The following BAHCC1 variants were observed in gnomAD, a reference collection of about 807,000 sequenced individuals.
The protein encoded by BAHCC1 is BAH and coiled-coil domain-containing protein 1.
In BAHCC1, 43 loss-of-function variants were observed where a neutral mutation model predicts 88.2. The ratio of observed to expected loss-of-function variants is 0.49; its 90% CI spans 0.38 to 0.63. The LOEUF is 0.63. Ranked by LOEUF, BAHCC1 falls within the 20% of genes least tolerant of loss-of-function variation. The pLI is 0.00. For synonymous variants in BAHCC1, 1,510 were observed against 745.5 expected, an observed-to-expected ratio of 2.03 and a Z score of -16.71; for missense variants, 3,023 against 1,654.8, an observed-to-expected ratio of 1.83 and a Z score of -14.34.
chr17:81,428,051 G>A (rs1431835486), intron 3 of BAHCC1, among the ~76,000 whole-genome samples: 3 of 152,348 alleles, frequency 2.0e-5, no homozygotes, highest in Non-Finnish European at 2.9e-5. Flanking sequence ...TTGGGCAGGC[G>A]ATAAGGAGTG....
At chr17:81,409,016 C>G (rs2063915314) in intron 2 of BAHCC1, among the ~76,000 whole-genome samples, 1 of 152,232 alleles carries the variant, frequency 6.6e-6, no homozygotes, top group Non-Finnish European at 1.5e-5. Context: ...TAGGATTTCA[C>G]CCCCACACCG....
chr17:81,429,627 C>T (rs1380681865), intron 3 of BAHCC1, among the ~76,000 whole-genome samples: 1 of 152,128 alleles, frequency 6.6e-6, no homozygotes, highest in African/African-American at 2.4e-5. Flanking sequence ...GGGGGGCACG[C>T]GACTCGGCCG....
In BAHCC1 at chr17:81,444,759, G is replaced by A; in HGVS notation, c.2604G>A (p.Gln868=). ...TGCCCTCTGTCTTCCCCCTCCCACA[G>A]GACGCCCCCACACAGCTGGTCATCC... is the stretch of plus-strand genomic sequence containing the variant. ...GPVPSVFPLP[Q]DAPTQLVILP... The change falls in exon 8 of 28, where the codon CAG becomes CAA. Residue 868 remains glutamine, a synonymous_variant. Transcript: ENST00000675386. 1.3e-6 allele frequency: 1 copy of A among 778,574 alleles called. No individual in the cohort carries two copies. Among genetic ancestry groups the A allele is most frequent in the Non-Finnish European group, 2.4e-6 (1 of 417,528 alleles). The allele number at this position is 778,574 out of a possible 1,614,324, so 48.2% of individuals were successfully genotyped here.
In BAHCC1 at chr17:81,443,060, C is replaced by T. The variant is rs1447454095; in HGVS notation, c.1711C>T (p.Leu571=). 2.6e-6 allele frequency: 2 copies of T among 778,106 alleles called. No homozygotes were observed. The highest frequency in any genetic ancestry group is 1.3e-5 in the South Asian group (1 of 74,604). The allele number at this position is 778,106 out of a possible 1,614,324, so 48.2% of individuals were successfully genotyped here. A position where few individuals can be genotyped will look rare whatever the true frequency, so the allele number is the denominator to read the frequency against. Residue 571 remains leucine, a synonymous_variant, in exon 5 of 28, where the codon CTG becomes TTG. Transcript: ENST00000675386. ...GAEAKRKSLE[L]ASLGYSGPHL... is the part of the protein sequence containing the mutation. The stretch of plus-strand genomic sequence containing the variant: ...TGAGGCCAAGCGCAAGTCCCTGGAG[C>T]TGGCATCCCTGGGCTACAGTGGGCC...
chr17:81,403,817 T>TGTGGGGCCGCGTGGACCGGCGGCG (rs1373201275), intron 2 of BAHCC1, among the ~76,000 whole-genome samples: 5 of 152,218 alleles, frequency 3.3e-5, no homozygotes, highest in Admixed American at 3.3e-4. Flanking sequence ...AATCCGGGAA[T>TGTGGGGCCGCGTGGACCGGCGGCG]GTGGGGCCGC....
intron 2 of BAHCC1, among the ~76,000 whole-genome samples, chr17:81,410,388 T>C (rs1555647666): frequency 1.3e-5 from 2 of 152,222 alleles, no homozygotes; most frequent in African/African-American, 2.4e-5. Context: ...CTTGAGGCCT[T>C]AGTCTGGCCG....
chr17:81,442,303 G>T lies in BAHCC1; in HGVS notation c.954G>T (p.Gly318=), dbSNP rs781916792. The part of the protein sequence containing the change: ...GRPGTGVVTS[G]RCAKEAAGPP... Reference sequence around the variant, plus strand: ...CTGGCACGGGGGTGGTGACCTCCGGGCGCTGTGCAAAGGAGGCAGCAGGCC... The same window carrying T: ...CTGGCACGGGGGTGGTGACCTCCGGTCGCTGTGCAAAGGAGGCAGCAGGCC... Residue 318 remains glycine (G), a synonymous_variant, in exon 5 of 28, where the codon GGG becomes GGT. Coordinates refer to ENST00000675386, the MANE Select transcript of BAHCC1 (RefSeq NM_001377448.1). The T allele has an allele frequency of 1.5e-6, 1 of 651,844 alleles. No homozygotes were observed. The highest frequency in any genetic ancestry group is 2.5e-5 in the Admixed American group (1 of 40,222). 40.4% of individuals were successfully genotyped at this position (651,844 alleles called of 1,614,324 possible). A position where few individuals can be genotyped will look rare whatever the true frequency, so the allele number is the denominator to read the frequency against.
chr17:81,434,064 G>T lies in BAHCC1; in HGVS notation c.359-4306G>T, dbSNP rs1305603448. 2.0e-5 allele frequency among the ~76,000 whole-genome samples: 3 copies of T among 152,182 alleles called. No homozygotes were observed. Among genetic ancestry groups the T allele is most frequent in the African/African-American group, 7.2e-5 (3 of 41,440 alleles). ...GCAGGGACCACTTGCCAGGCCAGGG[G>T]TCTCCCGGGACTCCCCTGGGGTCAC... is the stretch of plus-strand genomic sequence containing the variant. On this transcript the variant is annotated intron_variant, in intron 3 of 27. Transcript: ENST00000675386. The surrounding 1 kb of genome is among the most constrained non-coding windows in gnomAD (Gnocchi z 4.9).
At chr17:81,437,938 A>G (rs1555651961) in intron 3 of BAHCC1, among the ~76,000 whole-genome samples, 1 of 152,168 alleles carries the variant, frequency 6.6e-6, no homozygotes, top group African/African-American at 2.4e-5. Context: ...TGGGCTGTCC[A>G]CTGGGCCCTG....
intron 11 of BAHCC1, among the ~76,000 whole-genome samples, chr17:81,449,130 C>T (rs1279100193): frequency 2.0e-5 from 3 of 152,168 alleles, no homozygotes; most frequent in Non-Finnish European, 2.9e-5. Context: ...ATGTGTAGAC[C>T]ACGTGTCCCG....
chr17:81,426,131 T>C (rs2064194239), intron 2 of BAHCC1, among the ~76,000 whole-genome samples: 1 of 121,160 alleles, frequency 8.3e-6, no homozygotes, highest in Admixed American at 8.3e-5. Flanking sequence ...GTGATAGTGG[T>C]TGGTGGTGAT....
At position 81,415,359 on chromosome 17, in the gene BAHCC1, G is replaced by A. The variant is rs145550023; in HGVS notation, c.179-11441G>A. 17 of 327,724 alleles carry A rather than the reference G, an allele frequency of 5.2e-5. No homozygotes were observed. The East Asian group carries it at 1.8e-3, about 34-fold the overall frequency. 20.3% of individuals were successfully genotyped at this position (327,724 alleles called of 1,614,324 possible). ...GGACCTTCGTTGTGAAGGAGGGCAG[G>A]CTGGGCTTTTTGAAGGTGGCTGGGT... is the stretch of plus-strand genomic sequence containing the variant. On this transcript the variant is annotated intron_variant, in intron 2 of 27. Coordinates refer to ENST00000675386, the MANE Select transcript of BAHCC1 (RefSeq NM_001377448.1).
rs781884811 is a variant in BAHCC1, at chr17:81,444,587, G to A, written c.2512+19G>A. The A allele has an allele frequency of 1.4e-6, 1 of 739,578 alleles. No homozygotes were observed. Among genetic ancestry groups the A allele is most frequent in the East Asian group, 2.4e-5 (1 of 40,920 alleles). The allele number at this position is 739,578 out of a possible 1,614,324, so 45.8% of individuals were successfully genotyped here. ...TCCTACGGTCAGTGATCCAAGGGCG[G>A]GGGCTGGCCTGGGGCTGATGAGGGT... On this transcript the variant is annotated intron_variant, in intron 7 of 27. Transcript: ENST00000675386.
rs782451792 is a variant in BAHCC1, at chr17:81,458,211, G to A, written c.5088G>A (p.Arg1696=). The A allele has an allele frequency of 1.6e-5, 12 of 730,264 alleles. No individual in the cohort carries two copies. Among genetic ancestry groups the A allele is most frequent in the South Asian group, 1.3e-4 (9 of 68,436 alleles). The allele number at this position is 730,264 out of a possible 1,614,324, so 45.2% of individuals were successfully genotyped here. The change falls in exon 18 of 28, where the codon AGG becomes AGA. Residue 1696 remains arginine (R), a synonymous_variant. Transcript: ENST00000675386. ...SSPESEVKIK[R]RSVKAKVGTT... The stretch of plus-strand genomic sequence containing the variant: ...CTGAGAGTGAGGTCAAGATCAAGAG[G>A]CGGTCGGTGAAGGCCAAGGTGGGCA...
chr17:81,440,620 C>G (rs1265475517), intron 4 of BAHCC1, among the ~76,000 whole-genome samples: 1 of 152,168 alleles, frequency 6.6e-6, no homozygotes, highest in Non-Finnish European at 1.5e-5. Context: ...AGGCGGTGGC[C>G]TGGCCCCCTC....
chr17:81,449,295 C>T (rs1190446959), intron 11 of BAHCC1, among the ~76,000 whole-genome samples: 1 of 152,044 alleles, frequency 6.6e-6, no homozygotes, highest in Non-Finnish European at 1.5e-5. Flanking sequence ...CCACCCCTGC[C>T]CCTGCCCTCC....
intron 23 of BAHCC1, 45 bp from the exon 24 acceptor site, chr17:81,460,232 G>A (rs72634331): frequency 0.16 from 114,327 of 720,318 alleles, 11,586 homozygotes; most frequent in East Asian, 0.38. Context: ...TGTTTCGGGC[G>A]CCTACTGGGG....
chr17:81,415,405 C>T (rs747111624), intron 2 of BAHCC1: 63 of 359,656 alleles, frequency 1.8e-4, no homozygotes, highest in Middle Eastern at 3.9e-4. Flanking sequence ...CCTTGAGACA[C>T]AGAGTTTGGC....
At chr17:81,410,929 C>T (rs1295617125) in intron 2 of BAHCC1, among the ~76,000 whole-genome samples, 1 of 152,128 alleles carries the variant, frequency 6.6e-6, no homozygotes, top group Non-Finnish European at 1.5e-5. Context: ...TCATCAAACA[C>T]TCTGCTCCCC....
Sources: allele counts gnomAD v4.1 joint callset (sites outside exome capture counted in the v4.1 genomes callset), GRCh38; gene constraint gnomAD v4.1.1; non-coding constraint Gnocchi (gnomAD v3.1); transcripts MANE v1.5; gene names NCBI Gene and HGNC (gene_info 2026-07-23, HGNC 2026-07-21).